The following ZNF273 variants were observed in gnomAD, a reference collection of about 807,000 sequenced individuals.
ZNF273 encodes zinc finger protein 273.
ZNF273 carries 11 observed loss-of-function variants against 14.9 expected under a neutral mutation model. The ratio of observed to expected loss-of-function variants is 0.74; its 90% confidence interval spans 0.46 to 1.22. The LOEUF (loss-of-function observed/expected upper bound fraction) is 1.22. Among genes scored for constraint, ZNF273 ranks in the 50% most tolerant of loss-of-function variants. The pLI is 0.00. For missense variants in ZNF273, 577 were observed against 660.6 expected (o/e 0.87, Z 1.39); for synonymous variants, 199 against 223.9 (o/e 0.89, Z 0.99).
At chr7:64,881,936 C>T (rs1583948883), downstream of ZNF273, among the ~76,000 whole-genome samples, 1 of 152,182 alleles carries the variant, frequency 6.6e-6, no homozygotes, top group Non-Finnish European at 1.5e-5. Flanking sequence ...TCGCTGTAGA[C>T]GGACTCTGAG....
rs1253379151 is a variant in ZNF273 at position 64,927,752 on chromosome 7, G to A, written c.424G>A (p.Glu142Lys). The A allele has an allele frequency of 6.2e-7, 1 of 1,613,568 alleles. No homozygotes were observed. The change falls in exon 4 of 4, where the codon GAG (glutamate) becomes AAG (lysine). Residue 142 changes from glutamate to lysine, a missense_variant. This residue lies in a region of ZNF273 where 162 missense variants were observed against 203.5 expected (regional missense o/e 0.80). Coordinates refer to ENST00000476120, the MANE Select transcript of ZNF273 (RefSeq NM_021148.3). ...GAGAAGATATGGAAAATATGGACAT[G>A]AGAATTTACAATTAAGAAAAGGCTG... Reference protein sequence around the residue: ...ILRRYGKYGHENLQLRKGCKS... With the variant: ...ILRRYGKYGHKNLQLRKGCKS...
intron 1 of ZNF273, among the ~76,000 whole-genome samples, chr7:64,907,336 G>A (rs1793186955): frequency 6.6e-6 from 1 of 152,110 alleles, no homozygotes; most frequent in African/African-American, 2.4e-5. Context: ...TATTTACCAG[G>A]ATTATCTATG....
At chr7:64,912,053 C>T (rs1240389002) in intron 1 of ZNF273, among the ~76,000 whole-genome samples, 3 of 152,206 alleles carry the variant, frequency 2.0e-5, no homozygotes, top group Non-Finnish European at 4.4e-5. Flanking sequence ...CTGCCTTCTG[C>T]GTTCAAGCGA....
At chr7:64,899,097 A>G (rs893851068), upstream of ZNF273, among the ~76,000 whole-genome samples, 1 of 152,216 alleles carries the variant, frequency 6.6e-6, no homozygotes, top group African/African-American at 2.4e-5. Context: ...TGGAAACCCT[A>G]GGAAGCCACC....
intron 3 of ZNF273, among the ~76,000 whole-genome samples, chr7:64,918,688 A>AG (rs1562961926): frequency 1.5e-5 from 2 of 136,220 alleles, no homozygotes; most frequent in African/African-American, 5.5e-5. Flanking sequence ...AAAAAAAAAA[A>AG]TGTGATTTGG....
chr7:64,897,112 T>C (rs1039247798), intron 3 of ZNF273, among the ~76,000 whole-genome samples: 1 of 152,078 alleles, frequency 6.6e-6, no homozygotes, highest in African/African-American at 2.4e-5. Flanking sequence ...GAGATGTGGG[T>C]CAAAAGTAAT....
intron 2 of ZNF273, 125 bp from the exon 3 acceptor site, chr7:64,918,072 A>T: frequency 1.3e-6 from 1 of 790,546 alleles, no homozygotes; most frequent in Non-Finnish European, 1.8e-6. Flanking sequence ...AATTTACATT[A>T]CTAATTAGAT....
At chr7:64,892,406 T>C (rs1792090978), downstream of ZNF273, among the ~76,000 whole-genome samples, 1 of 152,160 alleles carries the variant, frequency 6.6e-6, no homozygotes, top group Non-Finnish European at 1.5e-5. Flanking sequence ...CTTTTTTTTA[T>C]TGTAAATAGA....
downstream of ZNF273, chr7:64,880,314 C>T (rs1035934485): frequency 1.2e-4 from 19 of 152,180 alleles, no homozygotes; most frequent in African/African-American, 4.6e-4. Flanking sequence ...CATGCCTAGA[C>T]GGAGTGGGGG....
At chr7:64,885,328 C>G (rs959761285) in intron 1 of ZNF273, among the ~76,000 whole-genome samples, 27 of 152,332 alleles carry the variant, frequency 1.8e-4, no homozygotes, top group Middle Eastern at 3.4e-3. Flanking sequence ...TCCTGCAGGC[C>G]TTCTGTTAGG....
At chr7:64,917,460 T>G in intron 1 of ZNF273, 121 bp from the exon 2 acceptor site, 1 of 1,412,446 alleles carries the variant, frequency 7.1e-7, no homozygotes, top group Non-Finnish European at 9.5e-7. Flanking sequence ...ATTGGATAAT[T>G]TTAGTCACTC....
chr7:64,890,321 CAG>C (rs1262557498), downstream of ZNF273, among the ~76,000 whole-genome samples: 3 of 151,730 alleles, frequency 2.0e-5, no homozygotes, highest in Admixed American at 6.6e-5. Context: ...AGCATGTGGA[CAG>C]AGTCACAGGC....
chr7:64,920,571 A>T (rs1584003139), intron 3 of ZNF273, among the ~76,000 whole-genome samples: 1 of 152,124 alleles, frequency 6.6e-6, no homozygotes, highest in Non-Finnish European at 1.5e-5. Flanking sequence ...GGAGTTTGGG[A>T]TGGTTACAGA....
At chr7:64,892,561 A>G (rs184540336), downstream of ZNF273, among the ~76,000 whole-genome samples, 20 of 152,272 alleles carry the variant, frequency 1.3e-4, no homozygotes, top group Non-Finnish European at 2.4e-4. Flanking sequence ...TAATGGTCAT[A>G]AAAAACTAGG....
downstream of ZNF273, among the ~76,000 whole-genome samples, chr7:64,933,805 A>G (rs1051933897): frequency 5.9e-5 from 9 of 152,204 alleles, no homozygotes; most frequent in African/African-American, 2.2e-4. Context: ...GATGTTTTGA[A>G]GTATATATAC....
At chr7:64,895,865 C>T (rs1277687391) in intron 3 of ZNF273, among the ~76,000 whole-genome samples, 1 of 152,000 alleles carries the variant, frequency 6.6e-6, no homozygotes, top group Non-Finnish European at 1.5e-5. Flanking sequence ...AACCTTACAC[C>T]ACAAAAGGAA....
At chr7:64,914,925 C>CT (rs35818236) in intron 1 of ZNF273, among the ~76,000 whole-genome samples, 48,540 of 133,306 alleles carry the variant, frequency 0.36, 9,536 homozygotes, top group South Asian at 0.47. Context: ...AAAAAATGGC[C>CT]TTTTTTTTTT....
intron 2 of ZNF273, among the ~76,000 whole-genome samples, chr7:64,878,999 T>C (rs1239526283): frequency 1.3e-5 from 2 of 152,232 alleles, no homozygotes; most frequent in African/African-American, 4.8e-5. Context: ...TCCACCAACA[T>C]GGAAACTCTT....
chr7:64,910,819 G>A (rs1383501046), intron 1 of ZNF273, among the ~76,000 whole-genome samples: 1 of 142,702 alleles, frequency 7.0e-6, no homozygotes, highest in Admixed American at 7.4e-5. Flanking sequence ...AGGCTGGAGT[G>A]CAATGGTGCA....
Sources: gnomAD v4.1 joint callset for allele counts (sites outside exome capture counted in the v4.1 genomes callset) on GRCh38, gnomAD v4.1.1 for gene constraint, gnomAD v4.1.1 regional missense constraint, MANE v1.5 for transcripts, NCBI Gene and HGNC (gene_info 2026-07-23, HGNC 2026-07-21) for gene names.